Variants in SPAG16 observed in about 807,000 individuals in gnomAD.
SPAG16 encodes the protein sperm associated antigen 16.
SPAG16 carries 86 observed loss-of-function variants against 80.4 expected under a neutral mutation model. The observed-to-expected ratio is 1.07, with a 90% confidence interval of 0.90 to 1.28. SPAG16 has a LOEUF of 1.28. SPAG16 is among the 50% of genes most tolerant of loss of function. The pLI is 0.00. For missense variants in SPAG16, 870 were observed against 765.3 expected, an observed-to-expected ratio of 1.14 and a Z score of -1.61; for synonymous variants, 294 against 265.9, an observed-to-expected ratio of 1.11 and a Z score of -1.03.
intron 10 of SPAG16, among the ~76,000 whole-genome samples, chr2:213,770,456 AAATTT>A (rs1238408303): frequency 6.6e-6 from 1 of 152,048 alleles, no homozygotes; most frequent in South Asian, 2.1e-4. Context: ...ATATATTTTT[AAATTT>A]AATTTAATTT....
At chr2:213,916,876 C>T (rs2077996187) in intron 11 of SPAG16, among the ~76,000 whole-genome samples, 1 of 152,186 alleles carries the variant, frequency 6.6e-6, no homozygotes, top group Non-Finnish European at 1.5e-5. Flanking sequence ...CTAAATCCTA[C>T]ATCCAGAGTG....
intron 14 of SPAG16, among the ~76,000 whole-genome samples, chr2:214,126,525 A>G (rs1205445269): frequency 6.6e-6 from 1 of 151,780 alleles, no homozygotes; most frequent in Admixed American, 6.7e-5. Flanking sequence ...TTCATATATT[A>G]TCAACTTTAT....
intron 10 of SPAG16, among the ~76,000 whole-genome samples, chr2:213,546,123 C>T (rs888284475): frequency 7.9e-5 from 12 of 152,108 alleles, no homozygotes; most frequent in Non-Finnish European, 1.8e-4. Context: ...CAAGGACTCT[C>T]AGGCCTAACT....
chr2:213,668,315 CTT>C (rs35863253), intron 10 of SPAG16, among the ~76,000 whole-genome samples: 34 of 145,222 alleles, frequency 2.3e-4, no homozygotes, highest in Non-Finnish European at 2.4e-4. Flanking sequence ...CATATGGGTG[CTT>C]TTTTTTTTTT....
intron 10 of SPAG16, among the ~76,000 whole-genome samples, chr2:213,725,137 A>G (rs1165242538): frequency 6.6e-6 from 1 of 151,742 alleles, no homozygotes; most frequent in Non-Finnish European, 1.5e-5. Flanking sequence ...AGCTCAGGTG[A>G]TACTCCCACC....
chr2:213,786,515 A>G (rs1182664116), intron 10 of SPAG16, among the ~76,000 whole-genome samples: 2 of 152,222 alleles, frequency 1.3e-5, no homozygotes, highest in Non-Finnish European at 2.9e-5. Context: ...GTTTCATAAA[A>G]CAACTTATAA....
At position 213,872,568 on chromosome 2, in the gene SPAG16, T is replaced by A. The variant is rs187065435; in HGVS notation, c.1214+9940T>A. Among the ~76,000 whole-genome samples the A allele has an allele frequency of 2.6e-5, 4 of 152,274 alleles. No individual in the cohort carries two copies. In the East Asian group the frequency reaches 7.7e-4, roughly 29 times the overall value. On this transcript the variant is annotated intron_variant, in intron 11 of 15. Coordinates refer to ENST00000331683, the MANE Select transcript of SPAG16 (RefSeq NM_024532.5). The stretch of plus-strand genomic sequence containing the variant: ...TTTACTTTTTCCTTTCTCATCTAGA[T>A]ACCTTTGATTGTTTTTTTGTTATCA...
chr2:213,808,891 A>T (rs544695713), intron 10 of SPAG16, among the ~76,000 whole-genome samples: 74 of 152,126 alleles, frequency 4.9e-4, no homozygotes, highest in Non-Finnish European at 5.0e-4. Context: ...CCCATGTTCT[A>T]TTGGAGTTGT....
intron 10 of SPAG16, among the ~76,000 whole-genome samples, chr2:213,852,439 A>T (rs1225950816): frequency 6.6e-6 from 1 of 152,148 alleles, no homozygotes; most frequent in Non-Finnish European, 1.5e-5. Context: ...GCCCTATATG[A>T]CTTTGGTACT....
At chr2:213,513,266 T>G (rs2125821631) in intron 10 of SPAG16, among the ~76,000 whole-genome samples, 1 of 152,344 alleles carries the variant, frequency 6.6e-6, no homozygotes, top group East Asian at 1.9e-4. Context: ...AAACCTAACG[T>G]GGTCATACAC....
intron 13 of SPAG16, among the ~76,000 whole-genome samples, chr2:214,020,935 A>G (rs2047832226): frequency 6.6e-6 from 1 of 152,138 alleles, no homozygotes; most frequent in African/African-American, 2.4e-5. Flanking sequence ...GTGTTATCAA[A>G]TGTTCTATAT....
intron 9 of SPAG16, among the ~76,000 whole-genome samples, chr2:213,488,464 ACT>A (rs1479398365): frequency 3.9e-5 from 6 of 152,136 alleles, no homozygotes; most frequent in Non-Finnish European, 7.3e-5. Context: ...TAGACCAAAA[ACT>A]CTGTTCATAA....
chr2:214,046,632 A>G (rs1245553815), intron 13 of SPAG16, among the ~76,000 whole-genome samples: 1 of 152,220 alleles, frequency 6.6e-6, no homozygotes, highest in African/African-American at 2.4e-5. Context: ...GATGAGGAAC[A>G]TGACAAGGAT....
At chr2:214,355,879 T>C (rs1029297392) in intron 15 of SPAG16, among the ~76,000 whole-genome samples, 6 of 151,186 alleles carry the variant, frequency 4.0e-5, no homozygotes, top group African/African-American at 1.5e-4. Flanking sequence ...TGTAGGGACA[T>C]GGATGAAATT....
intron 10 of SPAG16, among the ~76,000 whole-genome samples, chr2:213,778,797 T>G (rs973851560): frequency 6.6e-6 from 1 of 152,206 alleles, no homozygotes; most frequent in Non-Finnish European, 1.5e-5. Flanking sequence ...CAAACTTCTC[T>G]TATGCAACTG....
intron 10 of SPAG16, among the ~76,000 whole-genome samples, chr2:213,820,647 C>A (rs2125692556): frequency 6.6e-6 from 1 of 152,062 alleles, no homozygotes; most frequent in East Asian, 1.9e-4. Flanking sequence ...TTAGTGACTG[C>A]AATAAAGACT....
chr2:213,405,450 C>T (rs1373430233), intron 9 of SPAG16, among the ~76,000 whole-genome samples: 1 of 152,198 alleles, frequency 6.6e-6, no homozygotes, highest in Non-Finnish European at 1.5e-5. Context: ...TCCATCACCT[C>T]AAACATTTAT....
chr2:213,752,669 CTT>C (rs1187837090), intron 10 of SPAG16, among the ~76,000 whole-genome samples: 1 of 152,112 alleles, frequency 6.6e-6, no homozygotes, highest in African/African-American at 2.4e-5. Flanking sequence ...CCTTCTTACT[CTT>C]TTTCTCTGCT....
chr2:214,089,978 A>G (rs2052062167), intron 13 of SPAG16, among the ~76,000 whole-genome samples: 5 of 152,084 alleles, frequency 3.3e-5, no homozygotes, highest in Admixed American at 3.3e-4. Flanking sequence ...CTCTGTACAC[A>G]TATGCCTGCC....
Sources: allele counts gnomAD v4.1 joint callset (sites outside exome capture counted in the v4.1 genomes callset), GRCh38; gene constraint gnomAD v4.1.1; transcripts MANE v1.5; gene names NCBI Gene and HGNC (gene_info 2026-07-23, HGNC 2026-07-21).